Variants in TTC39C observed in about 807,000 individuals in gnomAD.
TTC39C encodes the protein tetratricopeptide repeat domain 39C, also known as tetratricopeptide repeat protein 39C.
A neutral mutation model predicts 76.3 loss-of-function variants in TTC39C; 33 were observed. The ratio of observed to expected loss-of-function variants is 0.43; its 90% CI spans 0.33 to 0.58. TTC39C has a LOEUF of 0.58. Ranked by LOEUF, TTC39C falls within the 20% of genes least tolerant of loss-of-function variation. The pLI, the probability that TTC39C is intolerant of heterozygous loss-of-function variation, is 0.04. For missense variants in TTC39C, 595 were observed against 701.4 expected, an observed-to-expected ratio of 0.85 and a Z score of 1.71; for synonymous variants, 254 against 260.6, an observed-to-expected ratio of 0.97 and a Z score of 0.24.
intron 1 of TTC39C, chr18:24,020,438 G>A (rs1017479042): frequency 2.3e-6 from 1 of 431,246 alleles, no homozygotes; most frequent in Middle Eastern, 1.2e-3. Context: ...AATACACAAT[G>A]CGAAAGATGT....
intron 1 of TTC39C, among the ~76,000 whole-genome samples, chr18:24,044,865 T>C (rs541381604): frequency 6.6e-6 from 1 of 152,298 alleles, no homozygotes; most frequent in South Asian, 2.1e-4. Context: ...ATCATTAACT[T>C]ACCTAACTTG....
chr18:24,003,477 T>C (rs1002577982), intron 1 of TTC39C, among the ~76,000 whole-genome samples: 5 of 152,228 alleles, frequency 3.3e-5, no homozygotes, highest in Admixed American at 1.3e-4. Context: ...GGCTGGCACA[T>C]AGTAGGTCCT....
intron 1 of TTC39C, among the ~76,000 whole-genome samples, chr18:24,002,830 C>T (rs577638542): frequency 1.3e-5 from 2 of 152,330 alleles, no homozygotes; most frequent in Admixed American, 1.3e-4. Context: ...CCTGTTTGCA[C>T]TGGGTTTGGT....
chr18:24,113,471 G>C (rs1299689496), intron 6 of TTC39C: 2 of 652,944 alleles, frequency 3.1e-6, no homozygotes, highest in Non-Finnish European at 5.5e-6. Context: ...TGGGCACTTG[G>C]GAGCATTGGA....
intron 1 of TTC39C, among the ~76,000 whole-genome samples, chr18:24,016,959 A>G (rs1293735770): frequency 6.6e-6 from 1 of 152,226 alleles, no homozygotes; most frequent in African/African-American, 2.4e-5. Flanking sequence ...AACGAGGGAC[A>G]TGAGACTTAG....
intron 1 of TTC39C, among the ~76,000 whole-genome samples, chr18:24,007,699 T>G (rs1343089009): frequency 6.6e-6 from 1 of 152,244 alleles, no homozygotes; most frequent in African/African-American, 2.4e-5. Context: ...TATATTTTTA[T>G]ACATTCTGAA....
chr18:24,069,271 G>A lies in TTC39C; in HGVS notation c.460G>A (p.Ala154Thr). 1 of 1,611,606 alleles carries A rather than the reference G, an allele frequency of 6.2e-7. No homozygotes were observed. The highest frequency in any genetic ancestry group is 8.5e-7 in the Non-Finnish European group (1 of 1,177,824). Residue 154 changes from alanine to threonine, a missense_variant and splice_region_variant, in exon 4 of 14, where the codon GCT (alanine) becomes ACT (threonine). Ala to Thr is a moderately conservative substitution (Grantham distance 58, BLOSUM62 0). Coordinates refer to ENST00000317571, the MANE Select transcript of TTC39C (RefSeq NM_001135993.2). Reference protein sequence around the residue: ...VLSFVKQELSAYIKGGWILRK... With the variant: ...VLSFVKQELSTYIKGGWILRK... ...TTCATTTGTAAAACAAGAATTGTCAGGTATGCTGAAGCATTATTTTTAATG... is the reference window on the plus strand; with the variant it reads ...TTCATTTGTAAAACAAGAATTGTCAAGTATGCTGAAGCATTATTTTTAATG...
upstream of TTC39C, among the ~76,000 whole-genome samples, chr18:24,011,820 C>G (rs2083395592): frequency 6.6e-6 from 1 of 152,106 alleles, no homozygotes; most frequent in Admixed American, 6.5e-5. Context: ...TTTCCACTCT[C>G]TCTGTCTCTC....
intron 1 of TTC39C, among the ~76,000 whole-genome samples, chr18:24,001,831 T>TTTTTG (rs1555763423): frequency 5.2e-4 from 23 of 44,590 alleles, no homozygotes; most frequent in South Asian, 1.9e-3. Context: ...CTGTTTTTTT[T>TTTTTG]TTTTTTTTTT....
At chr18:24,096,724 A>G (rs2084595095) in intron 6 of TTC39C, among the ~76,000 whole-genome samples, 1 of 152,188 alleles carries the variant, frequency 6.6e-6, no homozygotes, top group Non-Finnish European at 1.5e-5. Flanking sequence ...TTATCTGTAT[A>G]CTTTTTAAGT....
intron 6 of TTC39C, among the ~76,000 whole-genome samples, chr18:24,091,143 C>T (rs1006276770): frequency 6.6e-6 from 1 of 152,222 alleles, no homozygotes; most frequent in African/African-American, 2.4e-5. Flanking sequence ...CATCAAGACA[C>T]GTCAGTGGGC....
intron 6 of TTC39C, among the ~76,000 whole-genome samples, chr18:24,092,123 A>AAAAAAAAAAATAAT (rs1555775346): frequency 4.0e-5 from 2 of 50,502 alleles, no homozygotes; most frequent in Non-Finnish European, 9.3e-5. Flanking sequence ...AAAAAAAAAA[A>AAAAAAAAAAATAAT]AATAATAATA....
intron 8 of TTC39C, among the ~76,000 whole-genome samples, chr18:24,120,801 G>A (rs1193655307): frequency 6.6e-6 from 1 of 152,076 alleles, no homozygotes; most frequent in Admixed American, 6.5e-5. Flanking sequence ...TTGTCCTTTT[G>A]TGTCTGGCTT....
chr18:24,125,690 G>A, intron 10 of TTC39C, 140 bp downstream of exon 10: 1 of 1,107,356 alleles, frequency 9.0e-7, no homozygotes. Context: ...TTAGATAGAG[G>A]GTGTCGTGAT....
chr18:24,041,341 A>G (rs12967198), intron 1 of TTC39C, among the ~76,000 whole-genome samples: 95,972 of 152,098 alleles, frequency 0.63, 34,148 homozygotes, highest in Non-Finnish European at 0.82. Context: ...AGAAAGCTGG[A>G]GGCTTTTGAG....
intron 4 of TTC39C, among the ~76,000 whole-genome samples, chr18:24,079,806 C>CT (rs34238141): frequency 0.94 from 132,834 of 140,596 alleles, 63,039 homozygotes; most frequent in Non-Finnish European, 0.99. Flanking sequence ...TTTTTTCTTT[C>CT]TTTTTTTTTT....
chr18:24,088,574 T>C (rs2084475798), intron 6 of TTC39C, among the ~76,000 whole-genome samples: 1 of 152,200 alleles, frequency 6.6e-6, no homozygotes, highest in South Asian at 2.1e-4. Flanking sequence ...TTTCTCCTAT[T>C]TGAAGCTGCC....
At chr18:24,022,529 C>T in intron 1 of TTC39C, 1 of 983,820 alleles carries the variant, frequency 1.0e-6, no homozygotes, top group Non-Finnish European at 1.2e-6. Flanking sequence ...GTGCTATCTA[C>T]CTCTCTTACA....
At chr18:24,117,757 G>A (rs1032175427) in intron 7 of TTC39C, among the ~76,000 whole-genome samples, 2 of 151,518 alleles carry the variant, frequency 1.3e-5, no homozygotes, top group Middle Eastern at 3.4e-3. Context: ...GTACATAATC[G>A]AGTGGTGTTG....
Sources: allele counts gnomAD v4.1 joint callset (sites outside exome capture counted in the v4.1 genomes callset), GRCh38; gene constraint gnomAD v4.1.1; transcripts MANE v1.5; gene names NCBI Gene and HGNC (gene_info 2026-07-23, HGNC 2026-07-21).